MYO1H: variants seen among roughly 807,000 people sequenced by gnomAD.
The protein encoded by MYO1H is unconventional myosin-Ih.
Under a neutral mutation model 149.3 loss-of-function variants are expected in MYO1H, and 118 were observed. The observed-to-expected ratio is 0.79, with a 90% CI of 0.68 to 0.92. The LOEUF (loss-of-function observed/expected upper bound fraction) is 0.92, where lower values mean the gene tolerates loss of function less well. MYO1H is among the 40% of genes least tolerant of loss of function. The pLI is 0.00. For missense variants in MYO1H, 1,212 were observed against 1,280.7 expected, an observed-to-expected ratio of 0.95 and a Z score of 0.82; for synonymous variants, 447 against 465.2, an observed-to-expected ratio of 0.96 and a Z score of 0.50.
At chr12:109,403,555 T>C (rs1870253443) in intron 6 of MYO1H, among the ~76,000 whole-genome samples, 2 of 152,254 alleles carry the variant, frequency 1.3e-5, no homozygotes, top group Admixed American at 6.5e-5. Flanking sequence ...CAGGAAAGGC[T>C]TCTTTCATCT....
chr12:109,318,960 GTTTTTGGTTTTGTTTTTTTTTT>G, the MYO1H span, among the ~76,000 whole-genome samples: 2 of 77,938 alleles, frequency 2.6e-5, no homozygotes, highest in Non-Finnish European at 4.6e-5. Flanking sequence ...AACTCTCTGC[GTTTTTGGTTTTGTTTTTTTTTT>G]TTTTTTTTTT....
chr12:109,397,747 A>G lies in MYO1H; in HGVS notation c.505A>G (p.Arg169Gly), dbSNP rs768600556. ...GTATTCCAAGGCTTTTGGAAATGCC[A>G]GAACGCTCCGGAATGACAACTCCAG... Residue 169 changes from arginine to glycine, a missense_variant, in exon 5 of 32, where the codon AGA becomes GGA. Physicochemically the swap from Arg to Gly is moderately radical, Grantham distance 125. Coordinates refer to ENST00000310903, the Ensembl canonical transcript of MYO1H. 18 of 1,612,310 alleles carry G rather than the reference A, an allele frequency of 1.1e-5. No homozygotes were observed. The East Asian group carries it at 1.6e-4, about 14-fold the overall frequency.
At chr12:109,415,390 G>A (rs533351358) in intron 14 of MYO1H, 136 bp from the exon 15 acceptor site, 16 of 663,098 alleles carry the variant, frequency 2.4e-5, no homozygotes, top group South Asian at 1.8e-4. Flanking sequence ...CAGGAGAATC[G>A]CTTAAACCCA....
At chr12:109,378,160 G>A (rs973578199) in intron 1 of MYO1H, among the ~76,000 whole-genome samples, 9 of 152,076 alleles carry the variant, frequency 5.9e-5, no homozygotes, top group African/African-American at 2.2e-4. Flanking sequence ...GAGTTGTGCA[G>A]TCATCACCAC....
intron 17 of MYO1H, 105 bp downstream of exon 17, chr12:109,424,933 A>C (rs535336978): frequency 1.2e-6 from 1 of 805,522 alleles, no homozygotes; most frequent in African/African-American, 1.7e-5. Context: ...TGGAAGTATT[A>C]CTCTCTAACA....
At chr12:109,384,381 G>A (rs1390521558) in intron 1 of MYO1H, among the ~76,000 whole-genome samples, 4 of 152,172 alleles carry the variant, frequency 2.6e-5, no homozygotes, top group Non-Finnish European at 4.4e-5. Context: ...AGGTGTAATT[G>A]AAGATCTCTT....
chr12:109,381,127 C>T (rs1869196479), intron 1 of MYO1H, among the ~76,000 whole-genome samples: 1 of 152,150 alleles, frequency 6.6e-6, no homozygotes, highest in Non-Finnish European at 1.5e-5. Context: ...ACCATCTACC[C>T]ACTCAAAGAA....
chr12:109,354,000 C>A (rs554267692), intron 1 of MYO1H: 1 of 151,804 alleles, frequency 6.6e-6, no homozygotes, highest in African/African-American at 2.4e-5. Context: ...GATTTTTATT[C>A]TCTTTGTTGC....
At chr12:109,421,560 C>T (rs775266533) in intron 16 of MYO1H, among the ~76,000 whole-genome samples, 18 of 151,994 alleles carry the variant, frequency 1.2e-4, no homozygotes, top group South Asian at 4.2e-4. Context: ...GTGGTCTGGA[C>T]GAGGGGCAAT....
chr12:109,438,506 C>G (rs1180759383), intron 22 of MYO1H, 30 bp from the exon 23 acceptor site: 1 of 1,578,768 alleles, frequency 6.3e-7, no homozygotes, highest in African/African-American at 1.3e-5. Flanking sequence ...ATTGTGCTCA[C>G]CTTCTAATGC....
intron 1 of MYO1H, among the ~76,000 whole-genome samples, chr12:109,356,233 A>C: frequency 6.6e-6 from 1 of 152,240 alleles, no homozygotes. Context: ...TTGATGGTCC[A>C]AACAGGTTTT....
intron 14 of MYO1H, 103 bp downstream of exon 14, chr12:109,412,088 C>T (rs1484596210): frequency 2.7e-6 from 2 of 729,986 alleles, no homozygotes; most frequent in South Asian, 1.9e-5. Context: ...CTACTTCATA[C>T]ATAAAAATAT....
exon 32 of MYO1H, chr12:109,447,360 G>C (rs1015417376): frequency 3.1e-6 from 2 of 650,822 alleles, no homozygotes; most frequent in African/African-American, 1.8e-5. Flanking sequence ...CAGCTCCTCA[G>C]CTGCCCCATG....
At chr12:109,409,225 TTTC>T (rs1213445821) in intron 10 of MYO1H, among the ~76,000 whole-genome samples, 1,997 of 104,840 alleles carry the variant, frequency 0.019, 94 homozygotes, top group African/African-American at 0.041. Context: ...CCTTCTTCTT[TTTC>T]TTCTTCTTCT....
chr12:109,416,838 A>C (rs1870932638), intron 15 of MYO1H, among the ~76,000 whole-genome samples: 1 of 152,098 alleles, frequency 6.6e-6, no homozygotes, highest in Non-Finnish European at 1.5e-5. Context: ...AAATACAAAA[A>C]TTATGTTAAA....
chr12:109,397,024 C>T (rs1034604906), intron 4 of MYO1H, among the ~76,000 whole-genome samples: 2 of 151,550 alleles, frequency 1.3e-5, no homozygotes, highest in South Asian at 4.2e-4. Context: ...GACGGGGTTT[C>T]GCCATGTTGG....
chr12:109,381,350 T>A (rs1869201871), intron 1 of MYO1H, among the ~76,000 whole-genome samples: 1 of 151,996 alleles, frequency 6.6e-6, no homozygotes, highest in Admixed American at 6.6e-5. Flanking sequence ...GAGTTCAAGA[T>A]TACAGTGAGC....
intron 21 of MYO1H, among the ~76,000 whole-genome samples, chr12:109,436,067 T>C (rs977892496): frequency 6.6e-6 from 1 of 152,138 alleles, no homozygotes; most frequent in African/African-American, 2.4e-5. Context: ...TGTTCTCTGA[T>C]CAGACCTGGA....
the MYO1H span, among the ~76,000 whole-genome samples, chr12:109,318,979 T>TTGTTTTG: frequency 1.6e-4 from 22 of 141,108 alleles, 2 homozygotes; most frequent in South Asian, 4.5e-4. Context: ...TTTGTTTTTT[T>TTGTTTTG]TTTTTTTTTT....
Sources: allele counts gnomAD v4.1 joint callset (sites outside exome capture counted in the v4.1 genomes callset), GRCh38; gene constraint gnomAD v4.1.1; transcripts MANE v1.5; gene names NCBI Gene and HGNC (gene_info 2026-07-23, HGNC 2026-07-21).